HMGA2: variants seen among roughly 807,000 people sequenced by gnomAD.
HMGA2 encodes high mobility group protein HMGI-C.
HMGA2 carries 8 observed loss-of-function variants against 19.1 expected under a neutral mutation model. The ratio of observed to expected loss-of-function variants is 0.42; its 90% CI spans 0.25 to 0.76. The LOEUF (loss-of-function observed/expected upper bound fraction) is 0.76, where lower values mean the gene tolerates loss of function less well. HMGA2 is among the 30% of genes least tolerant of loss of function. HMGA2 has a pLI of 0.28. For synonymous variants in HMGA2, 60 were observed against 48.8 expected (o/e 1.23, Z -0.96); for missense variants, 109 against 136.3 (o/e 0.80, Z 1.00).
chr12:65,914,193 C>A lies in HMGA2; in HGVS notation c.250-37190C>A, dbSNP rs184488470. 1.5e-3 allele frequency among the ~76,000 whole-genome samples: 225 copies of A among 152,060 alleles called. 2 individuals carry two copies. The highest frequency in any genetic ancestry group is 5.1e-3 in the African/African-American group (210 of 41,460). ...ATGCTGCTATAAAGACACATGCACA[C>A]GTATGTTTATTGCGGCATTATTCAC... On this transcript the variant is annotated intron_variant, in intron 3 of 4. Coordinates refer to ENST00000403681, the MANE Select transcript of HMGA2 (RefSeq NM_003483.6).
intron 1 of HMGA2, chr12:65,826,373 T>A (rs972541056): frequency 6.6e-6 from 1 of 152,222 alleles, no homozygotes; most frequent in Middle Eastern, 3.4e-3. Context: ...CGCTGTAATT[T>A]CCAAGCCGCG....
chr12:65,893,408 C>A (rs1468982830), intron 3 of HMGA2, among the ~76,000 whole-genome samples: 1 of 152,190 alleles, frequency 6.6e-6, no homozygotes, highest in Non-Finnish European at 1.5e-5. Flanking sequence ...ATTTTTGTTT[C>A]TTCAAAGTGG....
intron 3 of HMGA2, among the ~76,000 whole-genome samples, chr12:65,908,909 C>T (rs192517591): frequency 9.9e-5 from 15 of 152,282 alleles, no homozygotes; most frequent in Admixed American, 2.0e-4. Flanking sequence ...CTATAATTAC[C>T]TTTACAACAT....
At chr12:65,869,733 G>A (rs1235204514) in intron 3 of HMGA2, among the ~76,000 whole-genome samples, 1 of 152,138 alleles carries the variant, frequency 6.6e-6, no homozygotes, top group East Asian at 1.9e-4. Flanking sequence ...TGCCTACCAA[G>A]CCTGGCATTG....
chr12:65,912,583 T>C (rs544315981), intron 3 of HMGA2, among the ~76,000 whole-genome samples: 63 of 152,314 alleles, frequency 4.1e-4, no homozygotes, highest in African/African-American at 1.5e-3. Flanking sequence ...GAATTATCAG[T>C]TTTATTTAGC....
At chr12:65,921,683 G>T (rs1290235131) in intron 3 of HMGA2, among the ~76,000 whole-genome samples, 1 of 152,244 alleles carries the variant, frequency 6.6e-6, no homozygotes, top group African/African-American at 2.4e-5. Context: ...AAGTAGCAAG[G>T]AGCCTAATGT....
At chr12:65,886,719 CAACACAGA>C (rs1873674116) in intron 3 of HMGA2, among the ~76,000 whole-genome samples, 1 of 152,136 alleles carries the variant, frequency 6.6e-6, no homozygotes, top group African/African-American at 2.4e-5. Flanking sequence ...AGCTAAAAGA[CAACACAGA>C]GGTGTTCGAG....
At chr12:65,859,960 G>A (rs961771484) in intron 3 of HMGA2, 1 of 367,880 alleles carries the variant, frequency 2.7e-6, no homozygotes, top group East Asian at 7.6e-5. Context: ...GTGTGTGGTG[G>A]CACACACCTA....
intron 2 of HMGA2, among the ~76,000 whole-genome samples, chr12:65,832,976 G>T (rs1176425336): frequency 1.2e-4 from 18 of 151,922 alleles, no homozygotes; most frequent in Non-Finnish European, 2.5e-4. Context: ...ATTTGGCTTT[G>T]GTTTTAATTT....
chr12:65,864,505 T>G (rs1168947590), intron 3 of HMGA2, among the ~76,000 whole-genome samples: 1 of 152,226 alleles, frequency 6.6e-6, no homozygotes, highest in Non-Finnish European at 1.5e-5. Flanking sequence ...TGTTGACTAT[T>G]TTGTAGATAG....
At chr12:65,881,626 A>AGGAG (rs369335424) in intron 3 of HMGA2, 185 of 597,994 alleles carry the variant, frequency 3.1e-4, no homozygotes, top group Middle Eastern at 1.2e-3. Context: ...GAGGGAGCGA[A>AGGAG]GGAGGGAGGG....
In HMGA2 at chr12:65,964,571, T is replaced by C. The variant is rs1876853813; in HGVS notation, c.*1279T>C. On this transcript the variant is annotated 3_prime_UTR_variant, in exon 5 of 5. Coordinates refer to ENST00000403681, the MANE Select transcript of HMGA2 (RefSeq NM_003483.6). The stretch of plus-strand genomic sequence containing the variant: ...TACTACCTCTGAATGTTACAACGAA[T>C]TTACAGTCTAGTACTTATTACATGC... The C allele has an allele frequency of 4.6e-6, 1 of 215,960 alleles. No homozygotes were observed. The highest frequency in any genetic ancestry group is 7.0e-5 in the East Asian group (1 of 14,310). 13.4% of individuals were successfully genotyped at this position (215,960 alleles called of 1,614,324 possible).
chr12:65,862,136 C>T (rs894059513), intron 3 of HMGA2, among the ~76,000 whole-genome samples: 5 of 152,084 alleles, frequency 3.3e-5, no homozygotes, highest in African/African-American at 9.7e-5. Context: ...TGAGCCACCA[C>T]GCCTGGCTGT....
chr12:65,900,911 A>G (rs1370906105), intron 3 of HMGA2, among the ~76,000 whole-genome samples: 1 of 152,256 alleles, frequency 6.6e-6, no homozygotes, highest in Admixed American at 6.5e-5. Flanking sequence ...AATTAAATAA[A>G]TTATGTTTAA....
intron 3 of HMGA2, chr12:65,866,876 TCTG>T (rs1472432024): frequency 4.4e-6 from 2 of 457,198 alleles, no homozygotes; most frequent in Admixed American, 2.3e-5. Flanking sequence ...AATTTTTCTT[TCTG>T]CTGCTGTTTT....
At chr12:65,923,999 A>G (rs968197051) in intron 3 of HMGA2, among the ~76,000 whole-genome samples, 5 of 152,136 alleles carry the variant, frequency 3.3e-5, no homozygotes, top group Non-Finnish European at 7.4e-5. Context: ...AACAAGAGCA[A>G]AACCCCATCT....
At chr12:65,950,450 A>G (rs1036273583) in intron 3 of HMGA2, among the ~76,000 whole-genome samples, 4 of 152,212 alleles carry the variant, frequency 2.6e-5, no homozygotes, top group Non-Finnish European at 1.5e-5. Flanking sequence ...CACACACAAA[A>G]GACTCTACAT....
chr12:65,926,673 A>G (rs994539556), intron 3 of HMGA2, among the ~76,000 whole-genome samples: 4 of 152,236 alleles, frequency 2.6e-5, no homozygotes, highest in Non-Finnish European at 5.9e-5. Context: ...CCTGCTTTCA[A>G]TCAGCAAATG....
At chr12:65,837,766 A>T (rs545905678) in intron 2 of HMGA2, among the ~76,000 whole-genome samples, 53 of 152,192 alleles carry the variant, frequency 3.5e-4, no homozygotes, top group Non-Finnish European at 4.3e-4. Flanking sequence ...ATAAACTCTC[A>T]AGATAGAAAT....
Sources: allele counts gnomAD v4.1 joint callset (sites outside exome capture counted in the v4.1 genomes callset), GRCh38; gene constraint gnomAD v4.1.1; transcripts MANE v1.5; gene names NCBI Gene and HGNC (gene_info 2026-07-23, HGNC 2026-07-21).